Variants in HDGFL3 observed in about 807,000 individuals in gnomAD.
HDGFL3 encodes HDGF like 3, also known as hepatoma-derived growth factor-related protein 3.
In HDGFL3, 6 loss-of-function variants were observed where a neutral mutation model predicts 27.6. The observed-to-expected ratio is 0.22, with a 90% CI of 0.12 to 0.43. The LOEUF (loss-of-function observed/expected upper bound fraction) is 0.43. Ranked by LOEUF, HDGFL3 falls within the 20% of genes least tolerant of loss-of-function variation. The probability of loss-of-function intolerance (pLI) is 1.00; values close to 1 mark genes in which losing one functional copy is unlikely to be tolerated. For synonymous variants in HDGFL3, 88 were observed against 88.9 expected, an observed-to-expected ratio of 0.99 and a Z score of 0.05; for missense variants, 207 against 250.1, an observed-to-expected ratio of 0.83 and a Z score of 1.16.
rs2036697610 is a variant in HDGFL3 at position 83,138,374 on chromosome 15, T to C, written c.*896A>G. 1 of 152,346 alleles carries C rather than the reference T, an allele frequency of 6.6e-6. No individual in the cohort carries two copies. Among genetic ancestry groups the C allele is most frequent in the Admixed American group, 6.5e-5 (1 of 15,274 alleles). 9.4% of individuals were successfully genotyped at this position (152,346 alleles called of 1,614,324 possible). On this transcript the variant is annotated 3_prime_UTR_variant, in exon 6 of 6. Coordinates refer to ENST00000299633, the MANE Select transcript of HDGFL3 (RefSeq NM_016073.4). ...GCATAAAAATAAATAAAATTCTCTATTATCACAATAGCAACAATAATGTAC... is the reference window on the plus strand; with the variant it reads ...GCATAAAAATAAATAAAATTCTCTACTATCACAATAGCAACAATAATGTAC...
At chr15:83,125,700 G>A (rs187098930), downstream of HDGFL3, among the ~76,000 whole-genome samples, 62 of 152,356 alleles carry the variant, frequency 4.1e-4, no homozygotes, top group African/African-American at 1.5e-3. Flanking sequence ...TCTATTCGAA[G>A]CCTGTTGGCG....
chr15:83,146,601 T>C (rs1337795237), intron 5 of HDGFL3, among the ~76,000 whole-genome samples: 4 of 152,230 alleles, frequency 2.6e-5, no homozygotes, highest in South Asian at 2.1e-4. Flanking sequence ...CTTGATTCCC[T>C]GGCCTCTAAT....
chr15:83,167,619 C>A (rs966065050), intron 1 of HDGFL3, among the ~76,000 whole-genome samples: 1 of 150,454 alleles, frequency 6.6e-6, no homozygotes, highest in East Asian at 1.9e-4. Context: ...TTCAACTCAA[C>A]AAGAAGGTTT....
chr15:83,127,251 T>C (rs2151376498), downstream of HDGFL3: 2 of 1,167,904 alleles, frequency 1.7e-6, no homozygotes, highest in African/African-American at 1.6e-5. Flanking sequence ...ATATAGGAAA[T>C]AGGAATTAAT....
chr15:83,198,244 T>C (rs2037597005), intron 1 of HDGFL3, among the ~76,000 whole-genome samples: 1 of 152,080 alleles, frequency 6.6e-6, no homozygotes, highest in Admixed American at 6.5e-5. Flanking sequence ...CGTGTGACCT[T>C]CATGTAAGAC....
intron 2 of HDGFL3, among the ~76,000 whole-genome samples, chr15:83,161,653 CT>C (rs1340531022): frequency 6.6e-6 from 1 of 152,138 alleles, no homozygotes; most frequent in African/African-American, 2.4e-5. Flanking sequence ...GCAGGAATGA[CT>C]TTAACTGACA....
intron 5 of HDGFL3, among the ~76,000 whole-genome samples, chr15:83,142,812 T>C (rs1214830592): frequency 6.6e-6 from 1 of 152,230 alleles, no homozygotes; most frequent in Non-Finnish European, 1.5e-5. Context: ...TTGTCTTCTA[T>C]CAAATCAGAC....
intron 1 of HDGFL3, among the ~76,000 whole-genome samples, chr15:83,192,878 A>T (rs2037528988): frequency 6.6e-6 from 1 of 152,174 alleles, no homozygotes; most frequent in Non-Finnish European, 1.5e-5. Context: ...TTTGTTCTCA[A>T]TTCTAACCAA....
chr15:83,195,237 T>C (rs769516202), intron 1 of HDGFL3, among the ~76,000 whole-genome samples: 53 of 152,278 alleles, frequency 3.5e-4, no homozygotes, highest in Non-Finnish European at 6.5e-4. Flanking sequence ...TTCAGACAAA[T>C]ATTGGGCAAA....
intron 3 of HDGFL3, among the ~76,000 whole-genome samples, chr15:83,121,081 T>G (rs901833494): frequency 6.6e-6 from 1 of 152,006 alleles, no homozygotes; most frequent in African/African-American, 2.4e-5. Context: ...ACTTTTTTTT[T>G]TTATTTTGAG....
chr15:83,201,315 G>A (rs2037643598), intron 1 of HDGFL3, among the ~76,000 whole-genome samples: 2 of 151,884 alleles, frequency 1.3e-5, no homozygotes, highest in African/African-American at 4.8e-5. Context: ...TCCATCAAAC[G>A]GCTCTAAAAA....
chr15:83,121,111 C>A (rs2035200304), intron 3 of HDGFL3, among the ~76,000 whole-genome samples: 1 of 151,626 alleles, frequency 6.6e-6, no homozygotes, highest in South Asian at 2.1e-4. Context: ...CGCTCTGTCA[C>A]CCAGGCTGGA....
chr15:83,178,201 A>G (rs1364163520), intron 1 of HDGFL3, among the ~76,000 whole-genome samples: 1 of 152,248 alleles, frequency 6.6e-6, no homozygotes, highest in Non-Finnish European at 1.5e-5. Flanking sequence ...ATTTCTTCAT[A>G]AGATTAAAAA....
chr15:83,189,839 G>A (rs1257998845), intron 1 of HDGFL3, among the ~76,000 whole-genome samples: 1 of 152,110 alleles, frequency 6.6e-6, no homozygotes, highest in Non-Finnish European at 1.5e-5. Flanking sequence ...TACATTGAAA[G>A]CAACCAATGT....
At chr15:83,124,564 G>A, downstream of HDGFL3, 1 of 793,770 alleles carries the variant, frequency 1.3e-6, no homozygotes, top group Admixed American at 2.2e-5. Context: ...GATATAAATT[G>A]TGCATCTTCA....
chr15:83,169,942 G>A lies in HDGFL3; in HGVS notation c.85-5867C>T, dbSNP rs866219203. 5.3e-5 allele frequency among the ~76,000 whole-genome samples: 8 copies of A among 152,214 alleles called. 1 individual carries two copies. The Middle Eastern group carries it at 0.017, about 324-fold the overall frequency. On this transcript the variant is annotated intron_variant, in intron 1 of 5. Transcript: ENST00000299633. Reference sequence around the variant, plus strand: ...TATACCAATAACATCCAAGCTGAGAGCCAAATCAAGAATGCAATCCAGTTT... The same window carrying A: ...TATACCAATAACATCCAAGCTGAGAACCAAATCAAGAATGCAATCCAGTTT...
intron 1 of HDGFL3, among the ~76,000 whole-genome samples, chr15:83,187,375 G>C (rs977950335): frequency 1.3e-5 from 2 of 151,536 alleles, no homozygotes; most frequent in Non-Finnish European, 2.9e-5. Context: ...CTCTGTGTGT[G>C]TCTCTCTCTC....
At chr15:83,190,276 A>T (rs1376486086) in intron 1 of HDGFL3, among the ~76,000 whole-genome samples, 3 of 151,996 alleles carry the variant, frequency 2.0e-5, no homozygotes, top group African/African-American at 7.2e-5. Flanking sequence ...GTTGTTGTAA[A>T]ATTCTTGTAC....
Position 83,207,203 on chromosome 15 carries a change from T to C in HDGFL3, c.84+128A>G. On this transcript the variant is annotated intron_variant, in intron 1 of 5. Transcript: ENST00000299633. The surrounding 1 kb of genome is among the most constrained non-coding windows in gnomAD (Gnocchi z 4.8). ...CGGTCTTCTTCGTGCCGCGCCGCCCTCAGCCCTCACCACAGCCGGCCGCGA... is the reference window on the plus strand; with the variant it reads ...CGGTCTTCTTCGTGCCGCGCCGCCCCCAGCCCTCACCACAGCCGGCCGCGA... 1.8e-6 allele frequency: 1 copy of C among 562,776 alleles called. No individual in the cohort carries two copies. Among genetic ancestry groups the C allele is most frequent in the Non-Finnish European group, 2.7e-6 (1 of 374,176 alleles). 34.9% of individuals were successfully genotyped at this position (562,776 alleles called of 1,614,324 possible). A position where few individuals can be genotyped will look rare whatever the true frequency, so the allele number is the denominator to read the frequency against.
Sources: allele counts gnomAD v4.1 joint callset (sites outside exome capture counted in the v4.1 genomes callset), GRCh38; gene constraint gnomAD v4.1.1; non-coding constraint Gnocchi (gnomAD v3.1); transcripts MANE v1.5; gene names NCBI Gene and HGNC (gene_info 2026-07-23, HGNC 2026-07-21).